The following ZBTB26 variants were observed in gnomAD, a reference collection of about 807,000 sequenced individuals.
ZBTB26 encodes the protein zinc finger and BTB domain-containing protein 26.
ZBTB26 carries 12 observed loss-of-function variants against 31.6 expected under a neutral mutation model. That is an observed-to-expected ratio of 0.38 (90% confidence interval 0.24 to 0.61). The LOEUF (loss-of-function observed/expected upper bound fraction) is 0.61. Ranked by LOEUF, ZBTB26 falls within the 20% of genes least tolerant of loss-of-function variation. ZBTB26 has a pLI of 0.60. For missense variants in ZBTB26, 311 were observed against 521.9 expected, an observed-to-expected ratio of 0.60 and a Z score of 3.94; for synonymous variants, 155 against 182.9, an observed-to-expected ratio of 0.85 and a Z score of 1.23.
At position 122,917,355 on chromosome 9, in the gene ZBTB26, C is replaced by A. The variant is rs761691642; in HGVS notation, c.*1254G>T. The A allele has an allele frequency of 6.6e-6, 1 of 152,174 alleles. No individual in the cohort carries two copies. The highest frequency in any genetic ancestry group is 1.5e-5 in the Non-Finnish European group (1 of 68,034). The allele number at this position is 152,174 out of a possible 1,614,324, so 9.4% of individuals were successfully genotyped here. A position where few individuals can be genotyped will look rare whatever the true frequency, so the allele number is the denominator to read the frequency against. ...AAAATGAAAGAGGTGGAGTAAATGA[C>A]CTCTTAAGATTCTCTAAGGACTCTA... On this transcript the variant is annotated 3_prime_UTR_variant, in exon 2 of 2. Coordinates refer to ENST00000373656, the MANE Select transcript of ZBTB26 (RefSeq NM_020924.4).
At chr9:122,925,285 T>C (rs1175625591) in intron 1 of ZBTB26, among the ~76,000 whole-genome samples, 1 of 152,100 alleles carries the variant, frequency 6.6e-6, no homozygotes, top group East Asian at 1.9e-4. Flanking sequence ...AATGGGAGGA[T>C]GGCTTGAGCC....
chr9:122,919,661 C>A lies in ZBTB26; in HGVS notation c.274G>T (p.Val92Leu), dbSNP rs546360666. Residue 92 changes from valine to leucine, a missense_variant, in exon 2 of 2, where the codon GTG (valine) becomes TTG (leucine). Coordinates refer to ENST00000373656, the MANE Select transcript of ZBTB26 (RefSeq NM_020924.4). This position sits in a 1 kb window ranked among gnomAD's most constrained non-coding sequence, Gnocchi z 6.1. ...AGTTCCATCTCAGGGAATTCCAGCA[C>A]ACCACTATAACAGGATAAGAGCAAT... ...RQLLLSCYSG[V>L]LEFPEMELVN... 7 of 1,614,100 alleles carry A rather than the reference C, an allele frequency of 4.3e-6. No homozygotes were observed. The highest frequency in any genetic ancestry group is 5.9e-6 in the Non-Finnish European group (7 of 1,180,040).
At chr9:122,922,019 C>A (rs2131537262) in intron 1 of ZBTB26, among the ~76,000 whole-genome samples, 1 of 152,106 alleles carries the variant, frequency 6.6e-6, no homozygotes, top group African/African-American at 2.4e-5. Flanking sequence ...GTGGGTGGAT[C>A]ACGAGGTCAG....
chr9:122,929,610 G>A (rs1588133035), intron 1 of ZBTB26, among the ~76,000 whole-genome samples: 1 of 152,180 alleles, frequency 6.6e-6, no homozygotes, highest in Non-Finnish European at 1.5e-5. Flanking sequence ...AAAGAGCTTA[G>A]AACAGTGTCT....
At chr9:122,930,245 C>A (rs956056998) in intron 1 of ZBTB26, among the ~76,000 whole-genome samples, 1 of 152,156 alleles carries the variant, frequency 6.6e-6, no homozygotes, top group African/African-American at 2.4e-5. Context: ...AAGCTTATGG[C>A]TTTATTTCTG....
At chr9:122,927,816 TTTTG>T (rs1239093858) in intron 1 of ZBTB26, among the ~76,000 whole-genome samples, 1 of 151,998 alleles carries the variant, frequency 6.6e-6, no homozygotes, top group Non-Finnish European at 1.5e-5. Flanking sequence ...CCTCCTTGCA[TTTTG>T]TTTATTTATT....
chr9:122,919,845 A>G lies in ZBTB26; in HGVS notation c.90T>C (p.Asn30=). 6.2e-7 allele frequency: 1 copy of G among 1,613,678 alleles called. No homozygotes were observed. Among genetic ancestry groups the G allele is most frequent in the South Asian group, 1.1e-5 (1 of 90,958 alleles). ...LQKMNKLREE[N]KFCDVTVLID... ...TGAGAACTGTAACATCACAAAATTT[A>G]TTCTCTTCTCTTAATTTGTTCATTT... The change falls in exon 2 of 2, where the codon AAT becomes AAC. Residue 30 remains asparagine (N), a synonymous_variant. Transcript: ENST00000373656. This position sits in a 1 kb window ranked among gnomAD's most constrained non-coding sequence, Gnocchi z 6.1.
chr9:122,930,357 T>C (rs1350340220), intron 1 of ZBTB26, among the ~76,000 whole-genome samples: 1 of 152,236 alleles, frequency 6.6e-6, no homozygotes, highest in Non-Finnish European at 1.5e-5. Context: ...AGTCTTGACA[T>C]AATCATCTCC....
At chr9:122,928,452 C>T (rs908612693) in intron 1 of ZBTB26, among the ~76,000 whole-genome samples, 13 of 152,100 alleles carry the variant, frequency 8.5e-5, no homozygotes, top group East Asian at 1.9e-4. Context: ...GGATTACAGG[C>T]GTGAGACACC....
chr9:122,927,996 G>A (rs1833209363), intron 1 of ZBTB26, among the ~76,000 whole-genome samples: 1 of 151,832 alleles, frequency 6.6e-6, no homozygotes, highest in South Asian at 2.1e-4. Flanking sequence ...CACCAAGCCC[G>A]GATAATTTTT....
rs756896121 is a variant in ZBTB26 at position 122,919,208 on chromosome 9, A to C, written c.727T>G (p.Ser243Ala). The change falls in exon 2 of 2, where the codon TCT becomes GCT. Residue 243 changes from serine to alanine, a missense_variant. Around this residue, in one of 5 missense-constraint regions of ZBTB26, gnomAD observed 207 missense variants for 298.6 expected, o/e 0.69. Transcript: ENST00000373656. The surrounding 1 kb of genome is among the most constrained non-coding windows in gnomAD (Gnocchi z 6.1). ...EQNHLHNYALSYTGSDNIIMA... is the reference protein window; with the variant it reads ...EQNHLHNYALAYTGSDNIIMA... The stretch of plus-strand genomic sequence containing the variant: ...ATGATGTTATCACTGCCTGTATAAG[A>C]AAGGGCATAATTGTGGAGATGGTTT... The C allele has an allele frequency of 3.7e-6, 6 of 1,614,118 alleles. No homozygotes were observed. Among genetic ancestry groups the C allele is most frequent in the Non-Finnish European group, 5.1e-6 (6 of 1,180,058 alleles).
At chr9:122,923,144 T>C (rs1833127329) in intron 1 of ZBTB26, among the ~76,000 whole-genome samples, 1 of 137,612 alleles carries the variant, frequency 7.3e-6, no homozygotes, top group South Asian at 2.2e-4. Flanking sequence ...AGATTGCGCC[T>C]CTGCACTCCA....
intron 1 of ZBTB26, among the ~76,000 whole-genome samples, chr9:122,925,156 T>C (rs1007279438): frequency 1.3e-5 from 2 of 152,058 alleles, no homozygotes; most frequent in African/African-American, 4.8e-5. Flanking sequence ...GCACACTGCT[T>C]GAGCTCAGGA....
intron 1 of ZBTB26, among the ~76,000 whole-genome samples, chr9:122,923,511 G>A (rs10985823): frequency 0.022 from 3,286 of 152,314 alleles, 115 homozygotes; most frequent in East Asian, 0.18. Flanking sequence ...TTTAGCAACT[G>A]CAGTAGCTTA....
intron 1 of ZBTB26, among the ~76,000 whole-genome samples, chr9:122,930,016 C>A (rs921192718): frequency 6.6e-6 from 1 of 151,976 alleles, no homozygotes; most frequent in Non-Finnish European, 1.5e-5. Context: ...CATTACCCTC[C>A]CCCCCCAAAT....
In ZBTB26 at chr9:122,916,512, T is replaced by G. The variant is rs1165963653; in HGVS notation, c.*2097A>C. 6 of 152,142 alleles carry G rather than the reference T, an allele frequency of 3.9e-5. No individual in the cohort carries two copies. Among genetic ancestry groups the G allele is most frequent in the African/African-American group, 9.7e-5 (4 of 41,442 alleles). The allele number at this position is 152,142 out of a possible 1,614,324, so 9.4% of individuals were successfully genotyped here. ...TCAAACCAGTAACAAAAACAAGACA[T>G]GAATGTGAGCAAACGAAGCACTCCA... On this transcript the variant is annotated 3_prime_UTR_variant, in exon 2 of 2. Transcript: ENST00000373656.
In ZBTB26 at chr9:122,919,725, C is replaced by T. The variant is rs1833068411; in HGVS notation, c.210G>A (p.Val70=). The T allele has an allele frequency of 6.2e-7, 1 of 1,614,032 alleles. No individual in the cohort carries two copies. Among genetic ancestry groups the T allele is most frequent in the African/African-American group, 1.3e-5 (1 of 74,916 alleles). ...DQFLLNDSRE[V]KISILQSSEV... The stretch of plus-strand genomic sequence containing the variant: ...CGGAACTCTGTAATATGGAGATTTT[C>T]ACCTCTCTGGAATCATTCAGTAAAA... The change falls in exon 2 of 2, where the codon GTG becomes GTA. Residue 70 remains valine (V), a synonymous_variant. Transcript: ENST00000373656. The surrounding 1 kb of genome is among the most constrained non-coding windows in gnomAD (Gnocchi z 6.1).
In ZBTB26 at chr9:122,915,960, A is replaced by C. The variant is rs181068833; in HGVS notation, c.*2649T>G. 6.6e-6 allele frequency: 1 copy of C among 152,374 alleles called. No individual in the cohort carries two copies. The highest frequency in any genetic ancestry group is 1.9e-4 in the East Asian group (1 of 5,190). The allele number at this position is 152,374 out of a possible 1,614,324, so 9.4% of individuals were successfully genotyped here. A position where few individuals can be genotyped will look rare whatever the true frequency, so the allele number is the denominator to read the frequency against. On this transcript the variant is annotated 3_prime_UTR_variant, in exon 2 of 2. Transcript: ENST00000373656. ...TTTAAAAATCTTCCTCCTCTACAGA[A>C]ATATGACTAGTTTTGAAAGTCATCT...
At chr9:122,926,932 A>ACC (rs1833191783) in intron 1 of ZBTB26, among the ~76,000 whole-genome samples, 1 of 152,238 alleles carries the variant, frequency 6.6e-6, no homozygotes, top group Non-Finnish European at 1.5e-5. Context: ...TATAGCAGTA[A>ACC]TTACTCAAAA....
Sources: gnomAD v4.1 joint callset for allele counts (sites outside exome capture counted in the v4.1 genomes callset) on GRCh38, gnomAD v4.1.1 for gene constraint, gnomAD v4.1.1 regional missense constraint, Gnocchi (gnomAD v3.1) non-coding constraint, MANE v1.5 for transcripts, NCBI Gene and HGNC (gene_info 2026-07-23, HGNC 2026-07-21) for gene names.